Variants in RYR3 observed in about 807,000 individuals in gnomAD.
The protein encoded by RYR3 is ryanodine receptor 3, also known as brain ryanodine receptor-calcium release channel.
A neutral mutation model predicts 584.3 loss-of-function variants in RYR3; 207 were observed. The ratio of observed to expected loss-of-function variants is 0.35; its 90% CI spans 0.32 to 0.40. RYR3 has a LOEUF of 0.40. Among genes scored for constraint, RYR3 ranks in the 10% least tolerant of loss-of-function variants. The pLI is 1.00. For missense variants in RYR3, 5,616 were observed against 6,089.2 expected (o/e 0.92, Z 2.59); for synonymous variants, 2,416 against 2,248.5 (o/e 1.07, Z -2.11).
chr15:33,560,156 T>C (rs2057323033), intron 10 of RYR3, among the ~76,000 whole-genome samples: 1 of 152,164 alleles, frequency 6.6e-6, no homozygotes, highest in African/African-American at 2.4e-5. Context: ...CAAAAGAAAA[T>C]CACCAATGTG....
At position 33,771,913 on chromosome 15, in the gene RYR3, C is replaced by T. The variant is rs1282231918; in HGVS notation, c.8817-7C>T. On this transcript the variant is annotated splice_region_variant and splice_polypyrimidine_tract_variant and intron_variant, in intron 62 of 103. Coordinates refer to ENST00000634891, the MANE Select transcript of RYR3 (RefSeq NM_001036.6). ...TGCTTCTAGATTTGAACATTGTTTGCTTGCAGGACTGTCATGAAGTCAGGC... is the reference window on the plus strand; with the variant it reads ...TGCTTCTAGATTTGAACATTGTTTGTTTGCAGGACTGTCATGAAGTCAGGC... 1.9e-6 allele frequency: 3 copies of T among 1,596,642 alleles called. No homozygotes were observed. The highest frequency in any genetic ancestry group is 1.7e-5 in the Admixed American group (1 of 59,066).
rs1434672320 is a variant in RYR3, at chr15:33,336,472, GAGAGAGAGAGAGAGAA to G, written c.51+25380_51+25395del. On this transcript the variant is annotated intron_variant, in intron 1 of 103. Coordinates refer to ENST00000634891, the MANE Select transcript of RYR3 (RefSeq NM_001036.6). ...AGAGAGAGAGAGAGAGAGAGAGAGA[GAGAGAGAGAGAGAGAA>G]AGAAAGAAAGAAAGAAGGAGGGAAG... Among the ~76,000 whole-genome samples the G allele has an allele frequency of 1.8e-3, 36 of 20,028 alleles. 14 individuals carry two copies. The African/African-American group carries it at 0.022, about 12-fold the overall frequency. The allele number at this position is 20,028 out of a possible 152,430, so 13.1% of individuals were successfully genotyped here.
chr15:33,603,208 G>A lies in RYR3; in HGVS notation c.2008G>A (p.Asp670Asn), dbSNP rs368142068. ...WYFELIIDQV[D>N]PFLTAEPTHL... ...CTTCGAGCTGATTATCGACCAGGTG[G>A]ACCCCTTCCTAACAGCAGAGCCCAC... Residue 670 changes from aspartate to asparagine, a missense_variant, in exon 18 of 104, where the codon GAC becomes AAC. By Grantham distance (23) the Asp-to-Asn change is conservative. Around this residue, in one of 9 missense-constraint regions of RYR3, gnomAD observed 1,284 missense variants for 1,344.6 expected, o/e 0.95. Transcript: ENST00000634891. 57 of 1,613,734 alleles carry A rather than the reference G, an allele frequency of 3.5e-5. No individual in the cohort carries two copies. The highest frequency in any genetic ancestry group is 4.2e-5 in the Non-Finnish European group (50 of 1,179,844).
Position 33,801,957 on chromosome 15 carries a change from CA to C in RYR3, c.10011del (p.Ala3338ProfsTer4). On this transcript the variant is annotated frameshift_variant, in exon 69 of 104. Transcript: ENST00000634891. LOFTEE classifies it high-confidence loss of function. ...FLTGDSKSKM[S>X]KAMQVKSGGQ... ...ACTGGAGACAGCAAAAGCAAGATGT[CA>C]AAAGTAAGTCCTTAGAAATCAATTC... is the stretch of plus-strand genomic sequence containing the variant. 1 of 1,562,742 alleles carries C rather than the reference CA, an allele frequency of 6.4e-7. No homozygotes were observed. Among genetic ancestry groups the C allele is most frequent in the Non-Finnish European group, 8.8e-7 (1 of 1,136,614 alleles).
intron 13 of RYR3, among the ~76,000 whole-genome samples, chr15:33,581,245 T>G (rs1348025691): frequency 6.6e-6 from 1 of 152,164 alleles, no homozygotes; most frequent in African/African-American, 2.4e-5. Context: ...GTCCTTGGAT[T>G]GAGTTAAGCA....
chr15:33,800,880 G>T (rs781340100), intron 68 of RYR3, 23 bp downstream of exon 68: 30 of 1,500,904 alleles, frequency 2.0e-5, no homozygotes, highest in Middle Eastern at 3.4e-4. Context: ...TTGGGCCCTG[G>T]GTTTAGAATG....
chr15:33,335,237 A>T (rs1970820140), intron 1 of RYR3, among the ~76,000 whole-genome samples: 1 of 152,272 alleles, frequency 6.6e-6, no homozygotes, highest in Non-Finnish European at 1.5e-5. Context: ...GTGTATGCTC[A>T]TTGCAGCACT....
At chr15:33,495,476 T>G (rs1354287552) in intron 2 of RYR3, among the ~76,000 whole-genome samples, 1 of 152,202 alleles carries the variant, frequency 6.6e-6, no homozygotes, top group Non-Finnish European at 1.5e-5. Flanking sequence ...CTAAAAGCAC[T>G]GGTGTAAGGG....
At chr15:33,436,326 G>A (rs572963551) in intron 1 of RYR3, among the ~76,000 whole-genome samples, 1 of 151,864 alleles carries the variant, frequency 6.6e-6, no homozygotes, top group East Asian at 1.9e-4. Flanking sequence ...ATTAGATATT[G>A]GTGTTGGTTT....
At chr15:33,359,706 C>A (rs898761443) in intron 1 of RYR3, among the ~76,000 whole-genome samples, 1 of 151,974 alleles carries the variant, frequency 6.6e-6, no homozygotes, top group African/African-American at 2.4e-5. Context: ...GCAAGCTCTG[C>A]CTCCTGGGTT....
chr15:33,673,679 C>T (rs895554689), intron 38 of RYR3, among the ~76,000 whole-genome samples: 2 of 152,340 alleles, frequency 1.3e-5, no homozygotes, highest in South Asian at 4.1e-4. Context: ...GGCTGACCAT[C>T]TATTTCTCCT....
At position 33,773,449 on chromosome 15, in the gene RYR3, G is replaced by A. The variant is rs543176149; in HGVS notation, c.9056-85G>A. Reference sequence around the variant, plus strand: ...GAGAGATCTTTTACTCTTTACTGATGCTCATGCATTTTTTTTTTCCTCTTC... The same window carrying A: ...GAGAGATCTTTTACTCTTTACTGATACTCATGCATTTTTTTTTTCCTCTTC... On this transcript the variant is annotated intron_variant, in intron 63 of 103. Transcript: ENST00000634891. 75 of 887,006 alleles carry A rather than the reference G, an allele frequency of 8.5e-5. No individual in the cohort carries two copies. In the South Asian group the frequency reaches 1.1e-3, roughly 13 times the overall value. The allele number at this position is 887,006 out of a possible 1,614,324, so 54.9% of individuals were successfully genotyped here. A position where few individuals can be genotyped will look rare whatever the true frequency, so the allele number is the denominator to read the frequency against.
intron 12 of RYR3, among the ~76,000 whole-genome samples, chr15:33,578,778 AC>A (rs1267846443): frequency 8.7e-5 from 4 of 46,008 alleles, no homozygotes; most frequent in African/African-American, 2.5e-4. Flanking sequence ...AAAAAAAAAA[AC>A]AACAACAAAA....
intron 18 of RYR3, among the ~76,000 whole-genome samples, chr15:33,609,544 C>T (rs766171156): frequency 6.6e-6 from 1 of 152,200 alleles, no homozygotes; most frequent in African/African-American, 2.4e-5. Context: ...GTCCCAGTTA[C>T]TTGGGGGCTG....
intron 94 of RYR3, 126 bp downstream of exon 94, chr15:33,848,547 C>A: frequency 9.2e-7 from 1 of 1,084,984 alleles, no homozygotes; most frequent in Non-Finnish European, 1.3e-6. Flanking sequence ...ACTTTTCTCC[C>A]TTGCCTCTTC....
At chr15:33,672,271 G>A (rs954268025) in intron 38 of RYR3, among the ~76,000 whole-genome samples, 1 of 152,068 alleles carries the variant, frequency 6.6e-6, no homozygotes, top group Non-Finnish European at 1.5e-5. Flanking sequence ...AATGGTGTTC[G>A]GGCACCAAGG....
chr15:33,425,871 T>C (rs1225211464), intron 1 of RYR3, among the ~76,000 whole-genome samples: 1 of 152,158 alleles, frequency 6.6e-6, no homozygotes, highest in Non-Finnish European at 1.5e-5. Flanking sequence ...CTCAATCTCC[T>C]GACCTCGTGA....
At chr15:33,856,394 TGA>T (rs1452492575) in intron 98 of RYR3, 4 of 152,240 alleles carry the variant, frequency 2.6e-5, no homozygotes, top group Admixed American at 2.6e-4. Context: ...GCCTAGTCCT[TGA>T]GAGAGGTCAG....
At chr15:33,408,345 T>C (rs2043164052) in intron 1 of RYR3, among the ~76,000 whole-genome samples, 1 of 152,238 alleles carries the variant, frequency 6.6e-6, no homozygotes. Flanking sequence ...TTGTTCTTTA[T>C]CATGGTTGTG....
Sources: gnomAD v4.1 joint callset for allele counts (sites outside exome capture counted in the v4.1 genomes callset) on GRCh38, gnomAD v4.1.1 for gene constraint, gnomAD v4.1.1 regional missense constraint, MANE v1.5 for transcripts, NCBI Gene and HGNC (gene_info 2026-07-23, HGNC 2026-07-21) for gene names.